Variants in CNTN4 observed in about 807,000 individuals in gnomAD.
CNTN4 encodes the protein contactin 4.
Under a neutral mutation model 122.5 loss-of-function variants are expected in CNTN4, and 77 were observed. The observed-to-expected ratio is 0.63, with a 90% CI of 0.52 to 0.76. The LOEUF is 0.76. Ranked by LOEUF, CNTN4 falls within the 30% of genes least tolerant of loss-of-function variation. The pLI is 0.00. For missense variants in CNTN4, 1,256 were observed against 1,259.1 expected (o/e 1.00, Z 0.04); for synonymous variants, 512 against 447.0 (o/e 1.15, Z -1.83).
At chr3:2,217,161 G>T (rs2038878324) in intron 2 of CNTN4, among the ~76,000 whole-genome samples, 1 of 152,096 alleles carries the variant, frequency 6.6e-6, no homozygotes, top group Admixed American at 6.6e-5. Flanking sequence ...GACTTTGATT[G>T]ATGCTCCTGG....
chr3:2,782,857 TC>T (rs746273816), intron 6 of CNTN4, among the ~76,000 whole-genome samples: 22 of 152,284 alleles, frequency 1.4e-4, no homozygotes, highest in Non-Finnish European at 2.5e-4. Context: ...TTCAAGGGGA[TC>T]ATAATCTTAG....
chr3:2,369,134 A>G (rs1474477619), intron 3 of CNTN4, among the ~76,000 whole-genome samples: 1 of 152,038 alleles, frequency 6.6e-6, no homozygotes. Context: ...CATGTTGGCC[A>G]GGCTGGTCTC....
chr3:3,039,066 A>C, intron 19 of CNTN4, 63 bp downstream of exon 19: 1 of 1,393,296 alleles, frequency 7.2e-7, no homozygotes, highest in Non-Finnish European at 1.0e-6. Flanking sequence ...ATTTTCCTCC[A>C]TGTTAGACAT....
chr3:2,951,612 G>C (rs1457680193), intron 13 of CNTN4, among the ~76,000 whole-genome samples: 1 of 152,168 alleles, frequency 6.6e-6, no homozygotes, highest in Non-Finnish European at 1.5e-5. Flanking sequence ...GATATTTACT[G>C]TCTTCTCCAT....
intron 3 of CNTN4, among the ~76,000 whole-genome samples, chr3:2,396,284 C>G (rs539890347): frequency 5.3e-5 from 8 of 152,284 alleles, no homozygotes; most frequent in African/African-American, 1.9e-4. Flanking sequence ...CTTGGCCTTC[C>G]AAAGTGCTGG....
Position 2,775,204 on chromosome 3 carries a change from G to A in CNTN4, c.358+29507G>A, listed in dbSNP as rs7340525. Among the ~76,000 whole-genome samples, 645 of 152,254 alleles carry A rather than the reference G, an allele frequency of 4.2e-3. 4 individuals carry two copies. Among genetic ancestry groups the A allele is most frequent in the African/African-American group, 0.015 (615 of 41,556 alleles). On this transcript the variant is annotated intron_variant, in intron 6 of 24. Coordinates refer to ENST00000418658, the MANE Select transcript of CNTN4 (RefSeq NM_175607.3). ...TGGACTCTTTTAGGGAATTGCATTG[G>A]CTTATTTCAGAATTCAAATACTGCT...
chr3:2,356,505 G>C (rs537735788), intron 3 of CNTN4, among the ~76,000 whole-genome samples: 1 of 152,138 alleles, frequency 6.6e-6, no homozygotes, highest in Non-Finnish European at 1.5e-5. Flanking sequence ...TATAATTAGC[G>C]TATAATGAGC....
intron 3 of CNTN4, among the ~76,000 whole-genome samples, chr3:2,555,984 CA>C (rs2078705162): frequency 6.6e-6 from 1 of 152,136 alleles, no homozygotes; most frequent in Non-Finnish European, 1.5e-5. Flanking sequence ...AAGGTGCTGT[CA>C]AGACTCCTAC....
At chr3:2,490,558 C>G (rs895544357) in intron 3 of CNTN4, among the ~76,000 whole-genome samples, 4 of 152,146 alleles carry the variant, frequency 2.6e-5, no homozygotes, top group African/African-American at 9.7e-5. Flanking sequence ...GTGGAAATGC[C>G]TATTTTATCC....
At chr3:2,235,882 C>T (rs941719483) in intron 2 of CNTN4, among the ~76,000 whole-genome samples, 8 of 151,986 alleles carry the variant, frequency 5.3e-5, no homozygotes, top group Admixed American at 3.3e-4. Flanking sequence ...AATACAAATA[C>T]GAGGCATTAT....
intron 13 of CNTN4, among the ~76,000 whole-genome samples, chr3:2,929,187 C>G (rs2094498623): frequency 6.6e-6 from 1 of 152,182 alleles, no homozygotes; most frequent in African/African-American, 2.4e-5. Flanking sequence ...CAGGGAAGAC[C>G]TGTCACACAG....
At chr3:2,182,859 GT>G (rs2037079989) in intron 2 of CNTN4, among the ~76,000 whole-genome samples, 1 of 149,240 alleles carries the variant, frequency 6.7e-6, no homozygotes, top group Non-Finnish European at 1.5e-5. Flanking sequence ...GAATGGTTTT[GT>G]TCAACTTAAA....
At chr3:2,135,936 G>A (rs1327170411) in intron 2 of CNTN4, among the ~76,000 whole-genome samples, 2 of 152,176 alleles carry the variant, frequency 1.3e-5, no homozygotes, top group Non-Finnish European at 2.9e-5. Flanking sequence ...TCTAGGGGAT[G>A]TGCTTTCCCC....
At chr3:2,752,990 G>A (rs1053118313) in intron 6 of CNTN4, among the ~76,000 whole-genome samples, 1 of 152,116 alleles carries the variant, frequency 6.6e-6, no homozygotes, top group Admixed American at 6.5e-5. Flanking sequence ...CATTATGTAT[G>A]TATACTTCAT....
intron 4 of CNTN4, among the ~76,000 whole-genome samples, chr3:2,644,130 C>T (rs544789945): frequency 6.6e-6 from 1 of 152,108 alleles, no homozygotes; most frequent in Non-Finnish European, 1.5e-5. Flanking sequence ...TCCTGCCCCC[C>T]AGTGTGTGTT....
chr3:2,947,322 G>A (rs568620544), intron 13 of CNTN4, among the ~76,000 whole-genome samples: 2 of 152,294 alleles, frequency 1.3e-5, no homozygotes, highest in Non-Finnish European at 2.9e-5. Context: ...TACAGGCAAA[G>A]CATGTCATGA....
chr3:2,790,816 A>T (rs2091985153), intron 6 of CNTN4, among the ~76,000 whole-genome samples: 1 of 152,222 alleles, frequency 6.6e-6, no homozygotes, highest in South Asian at 2.1e-4. Flanking sequence ...AAGGAAAATG[A>T]TCTTATTTTT....
Position 2,186,375 on chromosome 3 carries a change from G to A in CNTN4, c.-145+85736G>A, listed in dbSNP as rs36158154. 3.6e-3 allele frequency among the ~76,000 whole-genome samples: 545 copies of A among 152,244 alleles called. 4 individuals carry two copies. The highest frequency in any genetic ancestry group is 6.3e-3 in the Non-Finnish European group (429 of 68,018). On this transcript the variant is annotated intron_variant, in intron 2 of 24. Transcript: ENST00000418658. ...TTCCAAGTCTTTGCTATTGTGAATAGTGCCGCAATAAACATACGTGTGCAT... is the reference window on the plus strand; with the variant it reads ...TTCCAAGTCTTTGCTATTGTGAATAATGCCGCAATAAACATACGTGTGCAT...
intron 4 of CNTN4, among the ~76,000 whole-genome samples, chr3:2,707,571 A>G (rs1252272129): frequency 1.3e-5 from 2 of 152,200 alleles, no homozygotes; most frequent in Admixed American, 6.5e-5. Flanking sequence ...TGGCAGTGGC[A>G]GGGAAGAGAA....
Sources: gnomAD v4.1 joint callset for allele counts (sites outside exome capture counted in the v4.1 genomes callset) on GRCh38, gnomAD v4.1.1 for gene constraint, MANE v1.5 for transcripts, NCBI Gene and HGNC (gene_info 2026-07-23, HGNC 2026-07-21) for gene names.